Variants in NVL observed in about 807,000 individuals in gnomAD.
NVL encodes nuclear valosin-containing protein-like.
NVL carries 84 observed loss-of-function variants against 110.2 expected under a neutral mutation model. The observed-to-expected ratio is 0.76, with a 90% CI of 0.64 to 0.91. The LOEUF is 0.91. NVL is among the 40% of genes least tolerant of loss of function. The pLI is 0.00. For missense variants in NVL, 882 were observed against 1,035.9 expected, an observed-to-expected ratio of 0.85 and a Z score of 2.04; for synonymous variants, 354 against 361.1, an observed-to-expected ratio of 0.98 and a Z score of 0.22.
Position 224,242,438 on chromosome 1 carries a change from T to C in NVL, c.2290-5856A>G, listed in dbSNP as rs185907853. Among the ~76,000 whole-genome samples the C allele has an allele frequency of 3.3e-5, 5 of 152,134 alleles. No homozygotes were observed. The East Asian group carries it at 9.6e-4, about 29-fold the overall frequency. ...GTTCAAAAAGTAATTCAAGATGTGC[T>C]ACTACTTTTATTTTAACAAATATTT... On this transcript the variant is annotated intron_variant, in intron 19 of 22. Transcript: ENST00000281701.
At chr1:224,253,731 C>CAAAAAAAAAA (rs770232348) in intron 18 of NVL, among the ~76,000 whole-genome samples, 3 of 55,758 alleles carry the variant, frequency 5.4e-5, no homozygotes, top group Admixed American at 2.0e-4. Flanking sequence ...GGCTCGGTCT[C>CAAAAAAAAAA]AAAAAAAAAA....
At chr1:224,264,641 A>G (rs753729388) in intron 18 of NVL, among the ~76,000 whole-genome samples, 1 of 152,240 alleles carries the variant, frequency 6.6e-6, no homozygotes, top group Non-Finnish European at 1.5e-5. Context: ...AGCTAAGCAG[A>G]GAAGTTATAA....
chr1:224,268,007 CTG>C (rs1337472866), intron 18 of NVL, 25 bp downstream of exon 18: 3 of 1,478,072 alleles, frequency 2.0e-6, no homozygotes, highest in African/African-American at 2.8e-5. Context: ...TTAGATTCAT[CTG>C]TGTTACAATA....
At chr1:224,285,549 A>G (rs1015237627) in intron 15 of NVL, among the ~76,000 whole-genome samples, 3 of 152,226 alleles carry the variant, frequency 2.0e-5, no homozygotes, top group East Asian at 3.8e-4. Flanking sequence ...AGGATTGACA[A>G]TGAAATGAAA....
chr1:224,241,513 G>C (rs1661189240), intron 19 of NVL, among the ~76,000 whole-genome samples: 1 of 152,072 alleles, frequency 6.6e-6, no homozygotes, highest in Non-Finnish European at 1.5e-5. Context: ...GGTAACTATA[G>C]AAAGCTAAGC....
chr1:224,268,261 T>A, intron 17 of NVL, 128 bp from the exon 18 acceptor site: 1 of 665,188 alleles, frequency 1.5e-6, no homozygotes, highest in Non-Finnish European at 2.6e-6. Context: ...GAGGCGTCAC[T>A]ATATGCAGAC....
rs1553311555 is a variant in NVL at position 224,256,423 on chromosome 1, T to TTA, written c.2183-6106_2183-6105insTA. On this transcript the variant is annotated intron_variant, in intron 18 of 22. Transcript: ENST00000281701. ...CTGGGCAACAGGGTGAGGCTCCATC[T>TTA]AAAAAAAAAAAAAAAAAAAAAAAAC... Among the ~76,000 whole-genome samples, 89 of 75,668 alleles carry TTA rather than the reference T, an allele frequency of 1.2e-3. 2 individuals carry two copies. In the East Asian group the frequency reaches 0.034, roughly 29 times the overall value. 49.6% of individuals were successfully genotyped at this position (75,668 alleles called of 152,430 possible).
At chr1:224,235,985 C>A (rs1660428720) in intron 20 of NVL, among the ~76,000 whole-genome samples, 1 of 151,852 alleles carries the variant, frequency 6.6e-6, no homozygotes, top group Non-Finnish European at 1.5e-5. Context: ...GGCATTGTCT[C>A]TGTTAGTTAA....
intron 5 of NVL, among the ~76,000 whole-genome samples, chr1:224,309,689 C>T (rs1023512299): frequency 6.6e-6 from 1 of 151,998 alleles, no homozygotes; most frequent in African/African-American, 2.4e-5. Flanking sequence ...AAATAAAAAG[C>T]AATTAAAAAA....
intron 18 of NVL, among the ~76,000 whole-genome samples, chr1:224,266,511 T>C (rs1432666896): frequency 6.6e-6 from 1 of 152,212 alleles, no homozygotes; most frequent in Non-Finnish European, 1.5e-5. Context: ...AAGAAGGCCC[T>C]TGACAGATGC....
At chr1:224,247,668 C>CAA (rs529233393) in intron 19 of NVL, among the ~76,000 whole-genome samples, 35 of 145,822 alleles carry the variant, frequency 2.4e-4, no homozygotes, top group Admixed American at 3.4e-4. Flanking sequence ...CACTCTGTCT[C>CAA]AAAAAAAAAA....
intron 1 of NVL, among the ~76,000 whole-genome samples, chr1:224,329,360 A>C (rs1572094730): frequency 6.6e-6 from 1 of 152,028 alleles, no homozygotes; most frequent in African/African-American, 2.4e-5. Context: ...GAGGAAGGGG[A>C]GGTAAGAGAA....
At chr1:224,280,371 T>A (rs1666207602) in intron 16 of NVL, among the ~76,000 whole-genome samples, 2 of 152,144 alleles carry the variant, frequency 1.3e-5, no homozygotes, top group African/African-American at 4.8e-5. Context: ...TTTAGCTTGG[T>A]ATAAAGGCCC....
At chr1:224,280,107 A>G (rs2102588238) in intron 16 of NVL, among the ~76,000 whole-genome samples, 1 of 151,984 alleles carries the variant, frequency 6.6e-6, no homozygotes, top group Admixed American at 6.5e-5. Flanking sequence ...GGTAAGTTCC[A>G]TGGGAAAGAG....
intron 8 of NVL, among the ~76,000 whole-genome samples, chr1:224,304,436 T>A (rs973506346): frequency 2.0e-5 from 3 of 151,684 alleles, no homozygotes; most frequent in Non-Finnish European, 4.4e-5. Flanking sequence ...AATAAATAAA[T>A]AAAATAAAAT....
chr1:224,326,521 T>C, intron 1 of NVL, 57 bp from the exon 2 acceptor site: 4 of 1,153,520 alleles, frequency 3.5e-6, no homozygotes, highest in Middle Eastern at 1.9e-4. Flanking sequence ...TCAGTGATTT[T>C]AATCAACAGA....
At chr1:224,240,783 CTTTTTTTTTTTTTT>C (rs59138570) in intron 19 of NVL, among the ~76,000 whole-genome samples, 3 of 82,662 alleles carry the variant, frequency 3.6e-5, no homozygotes, top group Non-Finnish European at 6.6e-5. Flanking sequence ...ACAAACTGTC[CTTTTTTTTTTTTTT>C]TTTTTTTTTT....
At chr1:224,317,593 A>C in intron 4 of NVL, 101 bp downstream of exon 4, 1 of 707,828 alleles carries the variant, frequency 1.4e-6, no homozygotes, top group South Asian at 1.7e-5. Flanking sequence ...AATATCACGC[A>C]GGGCTTTGTT....
intron 16 of NVL, among the ~76,000 whole-genome samples, chr1:224,279,229 A>G (rs915007788): frequency 1.3e-5 from 2 of 152,246 alleles, no homozygotes; most frequent in Non-Finnish European, 2.9e-5. Flanking sequence ...AAGTTAATAA[A>G]CTAAAAATAC....
Sources: gnomAD v4.1 joint callset for allele counts (sites outside exome capture counted in the v4.1 genomes callset) on GRCh38, gnomAD v4.1.1 for gene constraint, MANE v1.5 for transcripts, NCBI Gene and HGNC (gene_info 2026-07-23, HGNC 2026-07-21) for gene names.